The following STK31 variants were observed in gnomAD, a reference collection of about 807,000 sequenced individuals.
The protein encoded by STK31 is serine/threonine kinase 31, also known as serine/threonine-protein kinase 31.
STK31 carries 89 observed loss-of-function variants against 129.7 expected under a neutral mutation model. The observed-to-expected ratio is 0.69, with a 90% CI of 0.58 to 0.82. STK31 has a LOEUF of 0.82. Among genes scored for constraint, STK31 ranks in the 40% least tolerant of loss-of-function variants. STK31 has a pLI of 0.00. For synonymous variants in STK31, 448 were observed against 395.3 expected, an observed-to-expected ratio of 1.13 and a Z score of -1.58; for missense variants, 1,187 against 1,176.4, an observed-to-expected ratio of 1.01 and a Z score of -0.13.
At chr7:23,824,531 A>G (rs530097391) in intron 23 of STK31, among the ~76,000 whole-genome samples, 1 of 152,300 alleles carries the variant, frequency 6.6e-6, no homozygotes, top group Non-Finnish European at 1.5e-5. Context: ...ATATACAATC[A>G]TGTCATCTGC....
chr7:23,798,307 T>C (rs1792129461), intron 22 of STK31, among the ~76,000 whole-genome samples: 1 of 151,974 alleles, frequency 6.6e-6, no homozygotes, highest in Admixed American at 6.6e-5. Context: ...AAAAAGAAAA[T>C]TTCAGGCCAA....
chr7:23,802,778 T>C (rs188466594), intron 22 of STK31, among the ~76,000 whole-genome samples: 2 of 152,316 alleles, frequency 1.3e-5, no homozygotes, highest in East Asian at 3.9e-4. Context: ...CCTCTCAAAG[T>C]GCTGGGATTA....
chr7:23,730,568 A>G (rs1216055606), intron 6 of STK31, among the ~76,000 whole-genome samples: 1 of 151,976 alleles, frequency 6.6e-6, no homozygotes, highest in African/African-American at 2.4e-5. Context: ...TACGGACCTT[A>G]GAATATTATC....
intron 4 of STK31, among the ~76,000 whole-genome samples, chr7:23,724,433 G>A (rs956433317): frequency 6.6e-6 from 1 of 152,186 alleles, no homozygotes; most frequent in Non-Finnish European, 1.5e-5. Flanking sequence ...TGATTAAAGA[G>A]ACAAACAGGA....
rs917260007 is a variant in STK31 at position 23,736,997 on chromosome 7, A to G, written c.936A>G (p.Lys312=). ...AGAAACTGATTGAAGAAAATGAAAA[A>G]CTTAAAACAGAGAAGGACGCTCTTC... ...QDQKLIEENE[K]LKTEKDALLE... Residue 312 remains lysine, a synonymous_variant, in exon 8 of 24, where the codon AAA becomes AAG. Transcript: ENST00000355870. The G allele has an allele frequency of 2.5e-6, 4 of 1,613,632 alleles. No individual in the cohort carries two copies. Among genetic ancestry groups the G allele is most frequent in the Admixed American group, 3.3e-5 (2 of 59,980 alleles).
intron 5 of STK31, 77 bp downstream of exon 5, chr7:23,727,392 C>A: frequency 8.0e-7 from 1 of 1,253,864 alleles, no homozygotes; most frequent in Non-Finnish European, 1.2e-6. Context: ...GCTTATTTAG[C>A]CCTTCATTGC....
intron 22 of STK31, among the ~76,000 whole-genome samples, chr7:23,796,458 T>G (rs1791960408): frequency 6.6e-6 from 1 of 152,190 alleles, no homozygotes; most frequent in Admixed American, 6.5e-5. Flanking sequence ...AAAAGCTCCA[T>G]GAGTAAATAT....
At chr7:23,819,509 G>C (rs1793672672) in intron 23 of STK31, among the ~76,000 whole-genome samples, 1 of 151,864 alleles carries the variant, frequency 6.6e-6, no homozygotes, top group African/African-American at 2.4e-5. Flanking sequence ...CTGCCTCCCA[G>C]GTTCAAGCGA....
At chr7:23,757,422 G>T (rs1789160454) in intron 10 of STK31, among the ~76,000 whole-genome samples, 1 of 152,106 alleles carries the variant, frequency 6.6e-6, no homozygotes, top group African/African-American at 2.4e-5. Context: ...TCGGAGAGGG[G>T]GATGTGGCAG....
chr7:23,775,940 A>G (rs1290738318), intron 15 of STK31, among the ~76,000 whole-genome samples: 2 of 152,178 alleles, frequency 1.3e-5, no homozygotes, highest in East Asian at 3.8e-4. Context: ...AGATTTTCCC[A>G]TTCAGTATGA....
chr7:23,727,337 T>C (rs1410656738), intron 5 of STK31, 22 bp downstream of exon 5: 1 of 1,608,018 alleles, frequency 6.2e-7, no homozygotes, highest in East Asian at 2.2e-5. Flanking sequence ...AGTGTTCAGT[T>C]TTTTTTTGCT....
Position 23,754,369 on chromosome 7 carries a change from G to T in STK31, c.1188G>T (p.Val396=). The part of the protein sequence containing the change: ...FGKDLSDAIQ[V]LDEGCFTTPA... Reference sequence around the variant, plus strand: ...AAGACCTTTCAGATGCTATACAAGTGTTGGATGAAGGGTGCTTTACTACTC... The same window carrying T: ...AAGACCTTTCAGATGCTATACAAGTTTTGGATGAAGGGTGCTTTACTACTC... Residue 396 remains valine (V), a synonymous_variant, in exon 10 of 24, where the codon GTG becomes GTT. Coordinates refer to ENST00000355870, the MANE Select transcript of STK31 (RefSeq NM_031414.5). 6.2e-7 allele frequency: 1 copy of T among 1,614,042 alleles called. No individual in the cohort carries two copies. The highest frequency in any genetic ancestry group is 8.5e-7 in the Non-Finnish European group (1 of 1,179,976).
rs375167492 is a variant in STK31 at position 23,769,148 on chromosome 7, G to A, written c.1570G>A (p.Val524Ile). The stretch of plus-strand genomic sequence containing the variant: ...AACAGACGCTTCTCTGCACCGTCTT[G>A]TAGCATGGTTCCAAAGAACCTTAAA... ...SETDASLHRLVAWFQRTLKVF... is the reference protein window; with the variant it reads ...SETDASLHRLIAWFQRTLKVF... Residue 524 changes from valine (V) to isoleucine (I), a missense_variant, in exon 12 of 24, where the codon GTA becomes ATA. Physicochemically the swap from Val to Ile is conservative, Grantham distance 29 (BLOSUM62 3). Around this residue, in one of 5 missense-constraint regions of STK31, gnomAD observed 975 missense variants for 934.9 expected, o/e 1.04. Coordinates refer to ENST00000355870, the MANE Select transcript of STK31 (RefSeq NM_031414.5). 17 of 1,601,778 alleles carry A rather than the reference G, an allele frequency of 1.1e-5. No individual in the cohort carries two copies. Among genetic ancestry groups the A allele is most frequent in the Non-Finnish European group, 1.4e-5 (16 of 1,175,992 alleles).
chr7:23,790,009 T>A (rs185920911), intron 21 of STK31, among the ~76,000 whole-genome samples: 1 of 152,280 alleles, frequency 6.6e-6, no homozygotes, highest in East Asian at 1.9e-4. Context: ...ACAACTCACC[T>A]GGGGTTCATG....
intron 1 of STK31, chr7:23,710,582 C>G (rs189906985): frequency 2.9e-6 from 4 of 1,363,238 alleles, no homozygotes; most frequent in Non-Finnish European, 3.8e-6. Context: ...CACGCAGCCT[C>G]CACACTCTCT....
intron 11 of STK31, among the ~76,000 whole-genome samples, chr7:23,764,644 T>A: frequency 6.6e-6 from 1 of 152,186 alleles, no homozygotes; most frequent in Non-Finnish European, 1.5e-5. Flanking sequence ...TAAAACTTGC[T>A]TAGGTTTTGG....
rs1318025645 is a variant in STK31, at chr7:23,727,507, TATATA to T, written c.324+197_324+201del. 4 of 526,128 alleles carry T rather than the reference TATATA, an allele frequency of 7.6e-6. No homozygotes were observed. The African/African-American group carries it at 7.8e-5, about 10-fold the overall frequency. 32.6% of individuals were successfully genotyped at this position (526,128 alleles called of 1,614,324 possible). ...CACCTCAGATTATTCAAGAATAGAT[TATATA>T]ATATGTAGGTTATTTTTGGTGACTA... On this transcript the variant is annotated intron_variant, in intron 5 of 23. Transcript: ENST00000355870.
intron 8 of STK31, among the ~76,000 whole-genome samples, chr7:23,744,703 G>T (rs1788245014): frequency 6.6e-6 from 1 of 152,150 alleles, no homozygotes; most frequent in Admixed American, 6.5e-5. Context: ...TGATTCCTTT[G>T]GATGTGAATA....
At chr7:23,743,108 A>G (rs897702551) in intron 8 of STK31, among the ~76,000 whole-genome samples, 7 of 147,848 alleles carry the variant, frequency 4.7e-5, no homozygotes, top group Non-Finnish European at 1.1e-4. Flanking sequence ...ACCTGCCACC[A>G]TGCCCAGTTA....
Sources: allele counts gnomAD v4.1 joint callset (sites outside exome capture counted in the v4.1 genomes callset), GRCh38; gene constraint gnomAD v4.1.1; regional missense constraint gnomAD v4.1.1; transcripts MANE v1.5; gene names NCBI Gene and HGNC (gene_info 2026-07-23, HGNC 2026-07-21).